The following CACNB4 variants were observed in gnomAD, a reference collection of about 807,000 sequenced individuals.
The protein encoded by CACNB4 is voltage-dependent L-type calcium channel subunit beta-4.
CACNB4 carries 32 observed loss-of-function variants against 71.2 expected under a neutral mutation model. That is an observed-to-expected ratio of 0.45 (90% CI 0.34 to 0.60). The LOEUF (loss-of-function observed/expected upper bound fraction) is 0.60, where lower values mean the gene tolerates loss of function less well. Ranked by LOEUF, CACNB4 falls within the 20% of genes least tolerant of loss-of-function variation. The pLI is 0.01. For synonymous variants in CACNB4, 231 were observed against 236.9 expected, an observed-to-expected ratio of 0.97 and a Z score of 0.23; for missense variants, 464 against 647.9, an observed-to-expected ratio of 0.72 and a Z score of 3.08.
At chr2:151,905,496 T>C (rs1357810525) in intron 2 of CACNB4, among the ~76,000 whole-genome samples, 1 of 152,206 alleles carries the variant, frequency 6.6e-6, no homozygotes, top group East Asian at 1.9e-4. Context: ...AAGTCTTGAG[T>C]AGAAAGAAGC....
intron 2 of CACNB4, among the ~76,000 whole-genome samples, chr2:151,884,550 G>C (rs2099848844): frequency 6.7e-6 from 1 of 149,726 alleles, no homozygotes; most frequent in African/African-American, 2.5e-5. Context: ...CAGGAGAATG[G>C]CGTGAACCCC....
At chr2:151,929,088 T>G (rs1209552721) in intron 2 of CACNB4, among the ~76,000 whole-genome samples, 1 of 152,156 alleles carries the variant, frequency 6.6e-6, no homozygotes, top group African/African-American at 2.4e-5. Flanking sequence ...CCTACTGTCA[T>G]TCCATCTAAG....
chr2:151,888,332 C>A (rs560696043), intron 2 of CACNB4, among the ~76,000 whole-genome samples: 2 of 152,022 alleles, frequency 1.3e-5, no homozygotes, highest in East Asian at 3.9e-4. Flanking sequence ...GAGGCTGAGG[C>A]AGGAGAATTG....
chr2:152,046,700 T>C (rs1218889633), intron 2 of CACNB4, among the ~76,000 whole-genome samples: 2 of 152,210 alleles, frequency 1.3e-5, no homozygotes, highest in African/African-American at 4.8e-5. Flanking sequence ...GCTCTGCCTG[T>C]TGAGCTGTAG....
rs539936727 is a variant in CACNB4, at chr2:151,848,654, TGAG to T, written c.1116+4791_1116+4793del. Among the ~76,000 whole-genome samples, 62 of 152,330 alleles carry T rather than the reference TGAG, an allele frequency of 4.1e-4. No homozygotes were observed. The East Asian group carries it at 9.6e-3, about 24-fold the overall frequency. Reference sequence around the variant, plus strand: ...ACATTAGAGGTTTGCAAGACTCTACTGAGGAGATGAGTTCCCCTCTCCCAGAAG... The same window carrying T: ...ACATTAGAGGTTTGCAAGACTCTACTGAGATGAGTTCCCCTCTCCCAGAAG... On this transcript the variant is annotated intron_variant, in intron 12 of 13. Transcript: ENST00000539935.
chr2:151,911,963 T>C (rs964059123), intron 2 of CACNB4, among the ~76,000 whole-genome samples: 2 of 152,216 alleles, frequency 1.3e-5, no homozygotes, highest in Non-Finnish European at 2.9e-5. Flanking sequence ...TGCATAGATG[T>C]GTTTTTAGTA....
intron 2 of CACNB4, among the ~76,000 whole-genome samples, chr2:151,889,862 A>C (rs1178394989): frequency 6.6e-6 from 1 of 152,050 alleles, no homozygotes; most frequent in Non-Finnish European, 1.5e-5. Flanking sequence ...GCATGGCAGG[A>C]CCTCGAGTTT....
chr2:151,847,313 A>G (rs1402665696), intron 12 of CACNB4, among the ~76,000 whole-genome samples: 3 of 151,976 alleles, frequency 2.0e-5, no homozygotes, highest in Non-Finnish European at 4.4e-5. Flanking sequence ...TGGGGAGGTC[A>G]TGATTGCACC....
chr2:152,005,731 C>T (rs190732373), intron 2 of CACNB4, among the ~76,000 whole-genome samples: 165 of 152,312 alleles, frequency 1.1e-3, no homozygotes, highest in African/African-American at 3.8e-3. Flanking sequence ...TGAGAAACAG[C>T]TTTCAGGAAA....
At chr2:152,063,729 G>A (rs755238827) in intron 2 of CACNB4, among the ~76,000 whole-genome samples, 1 of 152,170 alleles carries the variant, frequency 6.6e-6, no homozygotes, top group Non-Finnish European at 1.5e-5. Flanking sequence ...AAGCACACTG[G>A]CTGTGAGGCG....
chr2:152,022,056 T>C (rs1482268963), intron 2 of CACNB4, among the ~76,000 whole-genome samples: 1 of 152,224 alleles, frequency 6.6e-6, no homozygotes, highest in Non-Finnish European at 1.5e-5. Context: ...CCTTCACAGT[T>C]GTAGTGACTG....
intron 2 of CACNB4, among the ~76,000 whole-genome samples, chr2:152,044,528 T>C (rs966029291): frequency 6.6e-6 from 1 of 152,108 alleles, no homozygotes; most frequent in Non-Finnish European, 1.5e-5. Flanking sequence ...TTAAAGCAAA[T>C]TATTAAAGGG....
Position 152,008,519 on chromosome 2 carries a change from C to T in CACNB4, c.147+89811G>A, listed in dbSNP as rs1280486412. On this transcript the variant is annotated intron_variant, in intron 2 of 13. Transcript: ENST00000539935. Reference sequence around the variant, plus strand: ...CTAAATATGTTGGCCAGGCTGGTCTCGAACTCCTGGCCTCAAGTGATTCAC... The same window carrying T: ...CTAAATATGTTGGCCAGGCTGGTCTTGAACTCCTGGCCTCAAGTGATTCAC... Among the ~76,000 whole-genome samples the T allele has an allele frequency of 4.6e-5, 7 of 151,798 alleles. No homozygotes were observed. The South Asian group carries it at 6.3e-4, about 14-fold the overall frequency.
intron 2 of CACNB4, among the ~76,000 whole-genome samples, chr2:152,070,395 TG>T (rs1686614575): frequency 6.6e-6 from 1 of 152,210 alleles, no homozygotes; most frequent in African/African-American, 2.4e-5. Flanking sequence ...TTAGCTGGTT[TG>T]GGGTTGTAAT....
At chr2:152,042,761 G>A (rs1201112024) in intron 2 of CACNB4, among the ~76,000 whole-genome samples, 1 of 152,048 alleles carries the variant, frequency 6.6e-6, no homozygotes, top group East Asian at 1.9e-4. Context: ...TAGGAGCTGC[G>A]TAAAATAAGG....
At chr2:151,949,112 G>C (rs894717562) in intron 2 of CACNB4, among the ~76,000 whole-genome samples, 1 of 148,750 alleles carries the variant, frequency 6.7e-6, no homozygotes, top group Non-Finnish European at 1.5e-5. Context: ...CTCCTTCTTT[G>C]TCCCTTCCTC....
At chr2:151,936,790 A>G (rs538770558) in intron 2 of CACNB4, among the ~76,000 whole-genome samples, 1 of 152,350 alleles carries the variant, frequency 6.6e-6, no homozygotes, top group East Asian at 1.9e-4. Context: ...TGCCTATTAC[A>G]TCATCAGTAA....
intron 2 of CACNB4, among the ~76,000 whole-genome samples, chr2:151,908,706 C>T (rs191694922): frequency 2.0e-4 from 30 of 152,264 alleles, no homozygotes; most frequent in African/African-American, 3.4e-4. Context: ...ACAGCCATTT[C>T]GCAGTGAGGG....
intron 9 of CACNB4, among the ~76,000 whole-genome samples, chr2:151,865,120 A>G (rs76584939): frequency 0.03 from 4,517 of 152,326 alleles, 64 homozygotes; most frequent in African/African-American, 0.04. Context: ...GGAGAATGAA[A>G]TTGATTACGA....
Sources: allele counts gnomAD v4.1 joint callset (sites outside exome capture counted in the v4.1 genomes callset), GRCh38; gene constraint gnomAD v4.1.1; transcripts MANE v1.5; gene names NCBI Gene and HGNC (gene_info 2026-07-23, HGNC 2026-07-21).